VPS13B: variants seen among roughly 807,000 people sequenced by gnomAD.
VPS13B encodes the protein intermembrane lipid transfer protein VPS13B.
Under a neutral mutation model 426.4 loss-of-function variants are expected in VPS13B, and 285 were observed. That is an observed-to-expected ratio of 0.67 (90% confidence interval 0.61 to 0.74). VPS13B has a LOEUF of 0.74. Among genes scored for constraint, VPS13B ranks in the 30% least tolerant of loss-of-function variants. The probability of loss-of-function intolerance (pLI) is 0.00; values close to 1 mark genes in which losing one functional copy is unlikely to be tolerated. For synonymous variants in VPS13B, 1,676 were observed against 1,676.4 expected (o/e 1.00, Z 0.01); for missense variants, 4,537 against 4,782.6 (o/e 0.95, Z 1.51).
rs540338059 is a variant in VPS13B at position 99,028,102 on chromosome 8, A to G, written c.148-10321A>G. On this transcript the variant is annotated intron_variant, in intron 2 of 61. Coordinates refer to ENST00000357162, the MANE Select transcript of VPS13B (RefSeq NM_152564.5). ...TACAGAACAAAATGAAAAGTCTCCC[A>G]TGTCTACTTCTCTCCACACAGACCC... Among the ~76,000 whole-genome samples the G allele has an allele frequency of 2.1e-3, 327 of 152,322 alleles. 2 individuals are homozygous for G. Among genetic ancestry groups the G allele is most frequent in the Non-Finnish European group, 2.8e-3 (192 of 68,014 alleles).
intron 40 of VPS13B, among the ~76,000 whole-genome samples, chr8:99,771,787 G>T (rs1216533004): frequency 6.6e-6 from 1 of 151,972 alleles, no homozygotes; most frequent in Non-Finnish European, 1.5e-5. Flanking sequence ...CTAGATTTTT[G>T]GGTAATTCAT....
In VPS13B at chr8:99,467,502, T is replaced by C; in HGVS notation, c.3534T>C (p.Pro1178=). The C allele has an allele frequency of 6.2e-7, 1 of 1,613,798 alleles. No homozygotes were observed. ...AAGTGACACTTTGCCTAGTGGAACC[T>C]ATGGGTTGCACCTCCACTCTAGCTG... ...GKQVTLCLVE[P]MGCTSTLAVT... Residue 1178 remains proline, a synonymous_variant, in exon 24 of 62, where the codon CCT becomes CCC. Coordinates refer to ENST00000357162, the MANE Select transcript of VPS13B (RefSeq NM_152564.5).
intron 12 of VPS13B, among the ~76,000 whole-genome samples, chr8:99,141,332 AT>A (rs1344930404): frequency 6.6e-6 from 1 of 152,222 alleles, no homozygotes; most frequent in South Asian, 2.1e-4. Flanking sequence ...GGCCTGTATT[AT>A]TTTAGAGACA....
chr8:99,873,492 T>C (rs544395575), intron 61 of VPS13B, among the ~76,000 whole-genome samples: 92 of 152,204 alleles, frequency 6.0e-4, no homozygotes, highest in Middle Eastern at 3.4e-3. Context: ...AAAACAGAAG[T>C]GGGAAGACAT....
At chr8:99,046,908 T>TA (rs1180938893) in intron 3 of VPS13B, among the ~76,000 whole-genome samples, 2 of 152,222 alleles carry the variant, frequency 1.3e-5, no homozygotes, top group African/African-American at 4.8e-5. Flanking sequence ...ATCTTTTTGA[T>TA]ATATTGTTGG....
At chr8:99,511,813 T>G (rs1463848809) in intron 29 of VPS13B, among the ~76,000 whole-genome samples, 1 of 152,222 alleles carries the variant, frequency 6.6e-6, no homozygotes, top group East Asian at 1.9e-4. Context: ...TCAAATGTTG[T>G]GTTCTGTGTA....
At chr8:99,385,878 G>C (rs933372047) in intron 20 of VPS13B, among the ~76,000 whole-genome samples, 3 of 152,182 alleles carry the variant, frequency 2.0e-5, no homozygotes, top group African/African-American at 7.2e-5. Context: ...AGAGACTTCA[G>C]TGATTCCAGA....
intron 21 of VPS13B, among the ~76,000 whole-genome samples, chr8:99,406,275 T>A (rs1257888859): frequency 1.3e-5 from 2 of 152,120 alleles, no homozygotes; most frequent in Non-Finnish European, 2.9e-5. Context: ...AAGGGCTATA[T>A]GTGAATTGTT....
At chr8:99,053,664 CT>C (rs1009310729) in intron 3 of VPS13B, among the ~76,000 whole-genome samples, 9 of 142,574 alleles carry the variant, frequency 6.3e-5, no homozygotes, top group East Asian at 2.0e-4. Flanking sequence ...GACAAGGTTC[CT>C]TTTTTTTTCC....
chr8:99,766,724 A>G (rs1249958590), intron 39 of VPS13B, 50 bp from the exon 40 acceptor site: 1 of 1,484,748 alleles, frequency 6.7e-7, no homozygotes, highest in Non-Finnish European at 9.3e-7. Context: ...AACAAATATA[A>G]AAGCATAGTT....
intron 35 of VPS13B, among the ~76,000 whole-genome samples, chr8:99,681,478 C>T (rs1438191244): frequency 6.6e-6 from 1 of 152,160 alleles, no homozygotes; most frequent in Non-Finnish European, 1.5e-5. Context: ...ACAGAGGTTG[C>T]ACTGTATGCC....
intron 15 of VPS13B, among the ~76,000 whole-genome samples, chr8:99,164,009 C>T (rs572801642): frequency 2.6e-5 from 4 of 152,282 alleles, no homozygotes; most frequent in Admixed American, 6.5e-5. Flanking sequence ...GGAATTTGGC[C>T]GTTGACTGCT....
At chr8:99,673,207 T>A (rs958136563) in intron 35 of VPS13B, among the ~76,000 whole-genome samples, 1 of 152,042 alleles carries the variant, frequency 6.6e-6, no homozygotes, top group African/African-American at 2.4e-5. Context: ...GAATTGGTGG[T>A]ATTAGATATT....
chr8:99,135,356 C>T (rs955089109), intron 10 of VPS13B, among the ~76,000 whole-genome samples: 5 of 152,148 alleles, frequency 3.3e-5, no homozygotes, highest in African/African-American at 9.6e-5. Context: ...GTTCCAACTA[C>T]TTTCTTATTC....
At chr8:99,146,696 C>T (rs905808949) in intron 13 of VPS13B, among the ~76,000 whole-genome samples, 1 of 152,106 alleles carries the variant, frequency 6.6e-6, no homozygotes. Context: ...CCTGAGCCTC[C>T]TGAGTTGCCA....
intron 6 of VPS13B, among the ~76,000 whole-genome samples, chr8:99,112,431 G>C (rs1202165449): frequency 6.6e-6 from 1 of 152,034 alleles, no homozygotes; most frequent in Admixed American, 6.5e-5. Context: ...TAGCCTTACT[G>C]TACTTAATAT....
At chr8:99,408,966 C>T (rs1003165) in intron 21 of VPS13B, among the ~76,000 whole-genome samples, 3,300 of 152,212 alleles carry the variant, frequency 0.022, 129 homozygotes, top group African/African-American at 0.075. Context: ...CAGTGTTAAA[C>T]AATGGCTCTA....
intron 19 of VPS13B, among the ~76,000 whole-genome samples, chr8:99,331,306 T>C (rs549445645): frequency 1.9e-3 from 285 of 151,920 alleles, no homozygotes; most frequent in Middle Eastern, 0.01. Context: ...TTGCTTGTCA[T>C]TGCGTTACTC....
At position 99,836,531 on chromosome 8, in the gene VPS13B, T is replaced by G. The variant is rs1476264065; in HGVS notation, c.9942+793T>G. On this transcript the variant is annotated intron_variant, in intron 54 of 61. Coordinates refer to ENST00000357162, the MANE Select transcript of VPS13B (RefSeq NM_152564.5). The stretch of plus-strand genomic sequence containing the variant: ...TAGAATCATAAAATATTCATCATTT[T>G]GTGTCTGGCTTATTTCACCTAGCAT... Among the ~76,000 whole-genome samples the G allele has an allele frequency of 2.6e-5, 4 of 152,084 alleles. No homozygotes were observed. In the East Asian group the frequency reaches 7.7e-4, roughly 29 times the overall value.
Sources: gnomAD v4.1 joint callset for allele counts (sites outside exome capture counted in the v4.1 genomes callset) on GRCh38, gnomAD v4.1.1 for gene constraint, MANE v1.5 for transcripts, NCBI Gene and HGNC (gene_info 2026-07-23, HGNC 2026-07-21) for gene names.